The following GTF2I variants were observed in gnomAD, a reference collection of about 807,000 sequenced individuals.
GTF2I encodes the protein general transcription factor IIi, also known as general transcription factor II-I.
In GTF2I, 12 loss-of-function variants were observed where a neutral mutation model predicts 67.6. The observed-to-expected ratio is 0.18, with a 90% CI of 0.11 to 0.29. GTF2I has a LOEUF of 0.29. GTF2I is among the 10% of genes least tolerant of loss of function. GTF2I has a pLI of 1.00. For synonymous variants in GTF2I, 149 were observed against 197.0 expected (o/e 0.76, Z 2.04); for missense variants, 271 against 580.1 (o/e 0.47, Z 5.47).
At position 74,691,059 on chromosome 7, in the gene GTF2I, A is replaced by G; in HGVS notation, c.186A>G (p.Gly62=). The change falls in exon 3 of 35, where the codon GGA becomes GGG. Residue 62 remains glycine (G), a synonymous_variant. Coordinates refer to ENST00000573035, the MANE Select transcript of GTF2I (RefSeq NM_032999.4). ...TGTTTGTCGTCGGAACTGAAAGAGG[A>G]CGTGCTTTTGTCAATACCAGAAAGG... ...TDVFVVGTER[G]RAFVNTRKDF... is the part of the protein sequence containing the mutation. 3.7e-6 allele frequency: 6 copies of G among 1,612,708 alleles called. No individual in the cohort carries two copies. Among genetic ancestry groups the G allele is most frequent in the Non-Finnish European group, 5.1e-6 (6 of 1,178,888 alleles).
chr7:74,711,947 C>G (rs1791593687), intron 9 of GTF2I, among the ~76,000 whole-genome samples: 1 of 146,960 alleles, frequency 6.8e-6, no homozygotes, highest in Non-Finnish European at 1.5e-5. Flanking sequence ...CTTCATTTCT[C>G]TCTTTTTTTT....
At chr7:74,682,093 G>A (rs1459741128) in intron 1 of GTF2I, among the ~76,000 whole-genome samples, 2 of 152,110 alleles carry the variant, frequency 1.3e-5, no homozygotes, top group Non-Finnish European at 2.9e-5. Context: ...GCTATATGTG[G>A]AGCCAGTATA....
chr7:74,731,049 C>T (rs1794433022), intron 14 of GTF2I, among the ~76,000 whole-genome samples: 2 of 150,354 alleles, frequency 1.3e-5, no homozygotes, highest in East Asian at 2.0e-4. Context: ...TGCTAGATTT[C>T]AATTCCTTCT....
At chr7:74,698,505 C>CT (rs1441039315) in intron 3 of GTF2I, among the ~76,000 whole-genome samples, 1 of 145,710 alleles carries the variant, frequency 6.9e-6, no homozygotes, top group Non-Finnish European at 1.5e-5. Context: ...CAGCCTTAAA[C>CT]TTCTAGACTC....
chr7:74,737,144 G>A (rs1794871117), intron 18 of GTF2I, among the ~76,000 whole-genome samples: 2 of 148,152 alleles, frequency 1.3e-5, no homozygotes, highest in Admixed American at 1.3e-4. Context: ...AGTGAGCCGA[G>A]ATCGTGCCAC....
intron 1 of GTF2I, among the ~76,000 whole-genome samples, chr7:74,667,335 A>C (rs2131199961): frequency 6.6e-6 from 1 of 152,122 alleles, no homozygotes; most frequent in South Asian, 2.1e-4. Flanking sequence ...AGAGCAAGAC[A>C]CCATCTCAAA....
At chr7:74,692,894 C>T (rs1247709682) in intron 3 of GTF2I, among the ~76,000 whole-genome samples, 1 of 152,024 alleles carries the variant, frequency 6.6e-6, no homozygotes, top group Non-Finnish European at 1.5e-5. Flanking sequence ...TCCCGAGTAG[C>T]TGGGATTACA....
chr7:74,706,048 A>G (rs1335393386), intron 7 of GTF2I, among the ~76,000 whole-genome samples: 1 of 151,078 alleles, frequency 6.6e-6, no homozygotes, highest in African/African-American at 2.4e-5. Context: ...CACCTCCCGG[A>G]TTCAAGTGAT....
Position 74,691,196 on chromosome 7 carries a change from CTTTCTTTCTTTCT to C in GTF2I, c.238+89_238+101del. On this transcript the variant is annotated intron_variant, in intron 3 of 34. Coordinates refer to ENST00000573035, the MANE Select transcript of GTF2I (RefSeq NM_032999.4). ...TAAGACAAGTTATATTATTTTCTTTCTTTCTTTCTTTCTTTTTTTTTTTTTTTGAGATGGAGTT... is the reference window on the plus strand; with the variant it reads ...TAAGACAAGTTATATTATTTTCTTTCTTTTTTTTTTTTTTGAGATGGAGTT... 3 of 894,206 alleles carry C rather than the reference CTTTCTTTCTTTCT, an allele frequency of 3.4e-6. No homozygotes were observed. The African/African-American group carries it at 5.2e-5, about 16-fold the overall frequency. 55.4% of individuals were successfully genotyped at this position (894,206 alleles called of 1,614,324 possible). A position where few individuals can be genotyped will look rare whatever the true frequency, so the allele number is the denominator to read the frequency against.
chr7:74,723,428 C>CCTTTTTTTTTTTT (rs1793319970), intron 12 of GTF2I, among the ~76,000 whole-genome samples: 2 of 61,090 alleles, frequency 3.3e-5, no homozygotes, highest in African/African-American at 1.7e-4. Flanking sequence ...CTCCCGGCCT[C>CCTTTTTTTTTTTT]TTTTTTTTTT....
At chr7:74,662,998 G>A (rs955307217) in intron 1 of GTF2I, among the ~76,000 whole-genome samples, 3 of 151,962 alleles carry the variant, frequency 2.0e-5, no homozygotes, top group East Asian at 1.9e-4. Flanking sequence ...TGGCATTTTC[G>A]ATGACCCATA....
intron 14 of GTF2I, among the ~76,000 whole-genome samples, chr7:74,731,431 A>G (rs1156464261): frequency 1.0e-4 from 15 of 146,660 alleles, no homozygotes; most frequent in African/African-American, 3.2e-4. Context: ...AAATTTGCTA[A>G]TGAATTCAGT....
chr7:74,720,254 T>C (rs1792778723), intron 12 of GTF2I, among the ~76,000 whole-genome samples: 1 of 152,228 alleles, frequency 6.6e-6, no homozygotes, highest in African/African-American at 2.4e-5. Context: ...TAGTTTTTTT[T>C]TCTAGCTGCT....
chr7:74,660,176 T>C (rs937164437), intron 1 of GTF2I, among the ~76,000 whole-genome samples: 1 of 151,606 alleles, frequency 6.6e-6, no homozygotes, highest in Non-Finnish European at 1.5e-5. Context: ...CCTTAAGGTC[T>C]TCTCTTTTTT....
At chr7:74,688,151 T>C (rs1787907357) in intron 1 of GTF2I, among the ~76,000 whole-genome samples, 1 of 152,184 alleles carries the variant, frequency 6.6e-6, no homozygotes, top group South Asian at 2.1e-4. Context: ...TGATCTCGGC[T>C]CACTGCAACC....
chr7:74,658,546 G>C (rs1554384790), intron 1 of GTF2I, among the ~76,000 whole-genome samples: 1 of 150,274 alleles, frequency 6.7e-6, no homozygotes, highest in East Asian at 2.0e-4. Flanking sequence ...AGCCGTCGTG[G>C]GGTCGCGCTC....
intron 12 of GTF2I, among the ~76,000 whole-genome samples, chr7:74,724,430 A>G (rs1286433619): frequency 6.6e-6 from 1 of 152,228 alleles, no homozygotes; most frequent in African/African-American, 2.4e-5. Context: ...GCCAGAATGC[A>G]GTGATAAACA....
intron 6 of GTF2I, among the ~76,000 whole-genome samples, chr7:74,704,293 T>TTTATTTATTTAA (rs1554400656): frequency 6.7e-6 from 1 of 148,374 alleles, no homozygotes; most frequent in Non-Finnish European, 1.5e-5. Flanking sequence ...TATTTATTTA[T>TTTATTTATTTAA]TTTTTTATTT....
At chr7:74,699,842 C>A in intron 4 of GTF2I, 1 of 178,402 alleles carries the variant, frequency 5.6e-6, no homozygotes, top group Non-Finnish European at 1.2e-5. Flanking sequence ...TTGTATTTAC[C>A]TGATAAGTTT....
Sources: allele counts gnomAD v4.1 joint callset (sites outside exome capture counted in the v4.1 genomes callset), GRCh38; gene constraint gnomAD v4.1.1; transcripts MANE v1.5; gene names NCBI Gene and HGNC (gene_info 2026-07-23, HGNC 2026-07-21).